Variants in SCN4A observed in about 807,000 individuals in gnomAD.
SCN4A encodes the protein sodium voltage-gated channel alpha subunit 4.
A neutral mutation model predicts 162.0 loss-of-function variants in SCN4A; 83 were observed. The ratio of observed to expected loss-of-function variants is 0.51; its 90% CI spans 0.43 to 0.61. The LOEUF is 0.61. SCN4A is among the 20% of genes least tolerant of loss of function. The probability of loss-of-function intolerance (pLI) is 0.00; values close to 1 mark genes in which losing one functional copy is unlikely to be tolerated. For synonymous variants in SCN4A, 944 were observed against 985.1 expected (o/e 0.96, Z 0.78); for missense variants, 2,196 against 2,462.5 (o/e 0.89, Z 2.29).
In SCN4A at chr17:63,961,245, T is replaced by C; in HGVS notation, c.1793A>G (p.Glu598Gly). Residue 598 changes from glutamate to glycine, a missense_variant, in exon 11 of 24, where the codon GAA becomes GGA. Glu to Gly is a moderately conservative substitution (Grantham distance 98, BLOSUM62 -2). Coordinates refer to ENST00000435607, the MANE Select transcript of SCN4A (RefSeq NM_000334.4). ...IVLNTLFMAM[E>G]HYPMTEHFDN... is the part of the protein sequence containing the mutation. Reference sequence around the variant, plus strand: ...AAAGTGCTCCGTCATGGGGTAATGTTCCATGGCCATGAAGAGGGTGTTGAG... The same window carrying C: ...AAAGTGCTCCGTCATGGGGTAATGTCCCATGGCCATGAAGAGGGTGTTGAG... 1 of 1,612,570 alleles carries C rather than the reference T, an allele frequency of 6.2e-7. No individual in the cohort carries two copies. Among genetic ancestry groups the C allele is most frequent in the South Asian group, 1.1e-5 (1 of 90,994 alleles).
chr17:63,960,698 A>T (rs1567824427), intron 11 of SCN4A, among the ~76,000 whole-genome samples: 1 of 151,960 alleles, frequency 6.6e-6, no homozygotes, highest in Non-Finnish European at 1.5e-5. Flanking sequence ...GAGAGAGGAG[A>T]AGCCTGGCCA....
Position 63,945,775 on chromosome 17 carries a change from C to G in SCN4A, c.3442-137G>C. The G allele has an allele frequency of 2.0e-6, 1 of 502,436 alleles. No individual in the cohort carries two copies. The highest frequency in any genetic ancestry group is 3.5e-6 in the Non-Finnish European group (1 of 289,778). The allele number at this position is 502,436 out of a possible 1,614,324, so 31.1% of individuals were successfully genotyped here. ...GGCTTCCTAGAGGAGGGCCGACCTG[C>G]TGGGCTGTGTGTGTGCAGGTTGGGG... On this transcript the variant is annotated intron_variant, in intron 18 of 23. Transcript: ENST00000435607. The surrounding 1 kb of genome is among the most constrained non-coding windows in gnomAD (Gnocchi z 4.4).
intron 11 of SCN4A, 36 bp from the exon 12 acceptor site, chr17:63,959,474 G>T: frequency 6.3e-7 from 1 of 1,593,446 alleles, no homozygotes; most frequent in South Asian, 1.1e-5. Context: ...ACAGAGCCTC[G>T]GGGAGCCCAG....
At position 63,939,354 on chromosome 17, in the gene SCN4A, A is replaced by T. The variant is rs1343351200; in HGVS notation, c.*1417T>A. 2 of 140,746 alleles carry T rather than the reference A, an allele frequency of 1.4e-5. No homozygotes were observed. The highest frequency in any genetic ancestry group is 5.0e-5 in the African/African-American group (2 of 40,028). The allele number at this position is 140,746 out of a possible 1,614,324, so 8.7% of individuals were successfully genotyped here. The stretch of plus-strand genomic sequence containing the variant: ...CACCAGCCGTACTCCATGGACCTTG[A>T]AACAGTCCAGGGCACACATATATAC... On this transcript the variant is annotated 3_prime_UTR_variant, in exon 24 of 24. Coordinates refer to ENST00000435607, the MANE Select transcript of SCN4A (RefSeq NM_000334.4).
At chr17:63,966,457 T>C in intron 7 of SCN4A, 24 bp downstream of exon 7, 1 of 1,609,538 alleles carries the variant, frequency 6.2e-7, no homozygotes, top group East Asian at 2.2e-5. Flanking sequence ...GGGTGCCTTT[T>C]CTGCATCCCT....
At chr17:63,956,745 A>G (rs1312837802) in intron 13 of SCN4A, among the ~76,000 whole-genome samples, 2 of 152,374 alleles carry the variant, frequency 1.3e-5, no homozygotes, top group East Asian at 3.9e-4. Context: ...AGTTAGCTCA[A>G]GGTCACACAG....
At position 63,947,875 on chromosome 17, in the gene SCN4A, C is replaced by T. The variant is rs371928013; in HGVS notation, c.3318+15G>A. 31 of 1,612,204 alleles carry T rather than the reference C, an allele frequency of 1.9e-5. No individual in the cohort carries two copies. Among genetic ancestry groups the T allele is most frequent in the African/African-American group, 6.7e-5 (5 of 74,880 alleles). On this transcript the variant is annotated intron_variant, in intron 17 of 23. Coordinates refer to ENST00000435607, the MANE Select transcript of SCN4A (RefSeq NM_000334.4). ...CCTCTGGATGTAGCTACGGGGCCAGCGTGGGGGGACTCACATCCACGATGA... is the reference window on the plus strand; with the variant it reads ...CCTCTGGATGTAGCTACGGGGCCAGTGTGGGGGGACTCACATCCACGATGA...
chr17:63,966,624 T>A, intron 6 of SCN4A, 80 bp from the exon 7 acceptor site: 1 of 1,044,652 alleles, frequency 9.6e-7, no homozygotes, highest in South Asian at 1.3e-5. Flanking sequence ...TGCACACCTG[T>A]GGACAGGTCT....
chr17:63,940,727 T>C lies in SCN4A; in HGVS notation c.*44A>G. On this transcript the variant is annotated 3_prime_UTR_variant, in exon 24 of 24. Transcript: ENST00000435607. ...GTGTGCAGGCACCACGGGGGAGCTCTGGGGACTATGCCGAGACTCAGTGGG... is the reference window on the plus strand; with the variant it reads ...GTGTGCAGGCACCACGGGGGAGCTCCGGGGACTATGCCGAGACTCAGTGGG... 1.3e-6 allele frequency: 2 copies of C among 1,522,370 alleles called. No individual in the cohort carries two copies. The highest frequency in any genetic ancestry group is 1.8e-6 in the Non-Finnish European group (2 of 1,135,440). 94.3% of individuals were successfully genotyped at this position (1,522,370 alleles called of 1,614,324 possible).
At position 63,957,390 on chromosome 17, in the gene SCN4A, C is replaced by T. The variant is rs1909103679; in HGVS notation, c.2148G>A (p.Val716=). ...VLAIIVFIFA[V]VGMQLFGKSY... ...TCTTGCCAAACAGCTGCATGCCCAC[C>T]ACGGCGAAGATGAACACGATGATAG... The change falls in exon 13 of 24, where the codon GTG becomes GTA. Residue 716 remains valine, a synonymous_variant. Transcript: ENST00000435607. The T allele has an allele frequency of 1.2e-6, 2 of 1,614,136 alleles. No homozygotes were observed. Among genetic ancestry groups the T allele is most frequent in the South Asian group, 1.1e-5 (1 of 91,088 alleles).
At position 63,944,659 on chromosome 17, in the gene SCN4A, G is replaced by T; in HGVS notation, c.3912+14C>A. ...CAGCACCGGGAGGGCCCGAGGGGCT[G>T]GGCTGATACTCATCTTCTTCTTCTG... On this transcript the variant is annotated intron_variant, in intron 21 of 23. Transcript: ENST00000435607. The surrounding 1 kb of genome is among the most constrained non-coding windows in gnomAD (Gnocchi z 4.3). 6 of 1,592,668 alleles carry T rather than the reference G, an allele frequency of 3.8e-6. No homozygotes were observed. Among genetic ancestry groups the T allele is most frequent in the Non-Finnish European group, 5.1e-6 (6 of 1,169,404 alleles).
Position 63,944,836 on chromosome 17 carries a change from C to T in SCN4A, c.3775-26G>A, listed in dbSNP as rs199497650. 60 of 1,611,202 alleles carry T rather than the reference C, an allele frequency of 3.7e-5. No homozygotes were observed. The highest frequency in any genetic ancestry group is 1.1e-4 in the African/African-American group (8 of 74,998). ...CTGTGGGAGCCACAGGGTGGGACGGCGTGGGTTTGCACGCTGGCTTCTCCC... is the reference window on the plus strand; with the variant it reads ...CTGTGGGAGCCACAGGGTGGGACGGTGTGGGTTTGCACGCTGGCTTCTCCC... On this transcript the variant is annotated intron_variant, in intron 20 of 23. Coordinates refer to ENST00000435607, the MANE Select transcript of SCN4A (RefSeq NM_000334.4). This position sits in a 1 kb window ranked among gnomAD's most constrained non-coding sequence, Gnocchi z 4.3.
intron 11 of SCN4A, among the ~76,000 whole-genome samples, chr17:63,960,864 C>T (rs1909224569): frequency 6.6e-6 from 1 of 151,982 alleles, no homozygotes; most frequent in Non-Finnish European, 1.5e-5. Flanking sequence ...CCCCTTCACC[C>T]CTATCTCCAC....
In SCN4A at chr17:63,938,764, T is replaced by G. The variant is rs1349596645; in HGVS notation, c.*2007A>C. The G allele has an allele frequency of 6.5e-6, 1 of 152,772 alleles. No individual in the cohort carries two copies. Among genetic ancestry groups the G allele is most frequent in the Non-Finnish European group, 1.5e-5 (1 of 68,104 alleles). 9.5% of individuals were successfully genotyped at this position (152,772 alleles called of 1,614,324 possible). On this transcript the variant is annotated 3_prime_UTR_variant, in exon 24 of 24. Coordinates refer to ENST00000435607, the MANE Select transcript of SCN4A (RefSeq NM_000334.4). ...AGGAGAATATCCAATCAAACAGATT[T>G]CTGAGGCTCCAGGGGCTGTGCCAGC... is the stretch of plus-strand genomic sequence containing the variant.
At chr17:63,946,468 C>CCCT (rs372489133) in intron 18 of SCN4A, among the ~76,000 whole-genome samples, 1 of 129,258 alleles carries the variant, frequency 7.7e-6, no homozygotes, top group Non-Finnish European at 1.6e-5. Context: ...TCTTGCCCCC[C>CCCT]CCCCCACCCC....
At position 63,942,001 on chromosome 17, in the gene SCN4A, G is replaced by T; in HGVS notation, c.4289-8C>A. ...GGTCAGAGAGGGCAAGGCCTGCGGG[G>T]AGAAGCTAGTGAGGACGCTGCCACT... On this transcript the variant is annotated splice_polypyrimidine_tract_variant and splice_region_variant and intron_variant, in intron 23 of 23. Coordinates refer to ENST00000435607, the MANE Select transcript of SCN4A (RefSeq NM_000334.4). 6.4e-7 allele frequency: 1 copy of T among 1,555,918 alleles called. No individual in the cohort carries two copies. The highest frequency in any genetic ancestry group is 1.2e-5 in the South Asian group (1 of 81,008).
At position 63,939,103 on chromosome 17, in the gene SCN4A, C is replaced by A. The variant is rs1468144120; in HGVS notation, c.*1668G>T. 6.5e-6 allele frequency: 1 copy of A among 152,780 alleles called. No homozygotes were observed. 9.5% of individuals were successfully genotyped at this position (152,780 alleles called of 1,614,324 possible). On this transcript the variant is annotated 3_prime_UTR_variant, in exon 24 of 24. Transcript: ENST00000435607. ...GTGCACACACACACACGTGTTCACACACTCAAGCACACATACATGTCTTGT... is the reference window on the plus strand; with the variant it reads ...GTGCACACACACACACGTGTTCACAAACTCAAGCACACATACATGTCTTGT...
chr17:63,940,758 C>T lies in SCN4A; in HGVS notation c.*13G>A, dbSNP rs202238804. 4.5e-6 allele frequency: 7 copies of T among 1,546,866 alleles called. No homozygotes were observed. The highest frequency in any genetic ancestry group is 6.1e-6 in the Non-Finnish European group (7 of 1,145,240). On this transcript the variant is annotated 3_prime_UTR_variant, in exon 24 of 24. Transcript: ENST00000435607. ...CTATGCCGAGACTCAGTGGGCCACC[C>T]CGATGCTGCCTGCTAGACAAGAGAC...
chr17:63,941,940 G>A lies in SCN4A; in HGVS notation c.4342C>T (p.Arg1448Cys), dbSNP rs121908544. ...CCAATCCGCGCCAGGCGGATCACAC[G>A]GAACAGCGTGGGTGACACGAAGTAC... is the stretch of plus-strand genomic sequence containing the variant. ...QKYFVSPTLF[R>C]VIRLARIGRV... is the part of the protein sequence containing the mutation. Residue 1448 changes from arginine (R) to cysteine (C), a missense_variant, in exon 24 of 24, where the codon CGT becomes TGT. By Grantham distance (180) the Arg-to-Cys change is radical. Coordinates refer to ENST00000435607, the MANE Select transcript of SCN4A (RefSeq NM_000334.4). The surrounding 1 kb of genome is among the most constrained non-coding windows in gnomAD (Gnocchi z 6.2). The A allele has an allele frequency of 6.2e-7, 1 of 1,604,186 alleles. No individual in the cohort carries two copies. The highest frequency in any genetic ancestry group is 8.5e-7 in the Non-Finnish European group (1 of 1,172,588).
Sources: gnomAD v4.1 joint callset for allele counts (sites outside exome capture counted in the v4.1 genomes callset) on GRCh38, gnomAD v4.1.1 for gene constraint, Gnocchi (gnomAD v3.1) non-coding constraint, MANE v1.5 for transcripts, NCBI Gene and HGNC (gene_info 2026-07-23, HGNC 2026-07-21) for gene names.